WDR33: variants seen among roughly 807,000 people sequenced by gnomAD.
The protein encoded by WDR33 is WD repeat domain 33, also known as pre-mRNA 3' end processing protein WDR33.
A neutral mutation model predicts 164.9 loss-of-function variants in WDR33; 47 were observed. That is an observed-to-expected ratio of 0.29 (90% CI 0.23 to 0.36). The LOEUF is 0.36. Ranked by LOEUF, WDR33 falls within the 10% of genes least tolerant of loss-of-function variation. The probability of loss-of-function intolerance (pLI) is 1.00; values close to 1 mark genes in which losing one functional copy is unlikely to be tolerated. For missense variants in WDR33, 1,137 were observed against 1,754.1 expected (o/e 0.65, Z 6.28); for synonymous variants, 505 against 589.0 (o/e 0.86, Z 2.06).
chr2:127,783,681 T>C (rs1049657129), intron 1 of WDR33, among the ~76,000 whole-genome samples: 4 of 134,530 alleles, frequency 3.0e-5, no homozygotes, highest in Non-Finnish European at 6.2e-5. Flanking sequence ...CTCGGCTCAC[T>C]GCGACCTCCG....
chr2:127,748,233 T>C (rs1319186959), intron 7 of WDR33, among the ~76,000 whole-genome samples: 1 of 152,196 alleles, frequency 6.6e-6, no homozygotes, highest in African/African-American at 2.4e-5. Flanking sequence ...CTATAATACA[T>C]TATAACACCC....
intron 7 of WDR33, chr2:127,736,342 T>C: frequency 1.0e-6 from 1 of 985,428 alleles, no homozygotes; most frequent in Non-Finnish European, 1.2e-6. Flanking sequence ...ATTTGTAATG[T>C]GTATTTCTTT....
rs181447421 is a variant in WDR33, at chr2:127,721,773, A to G, written c.1671+63T>C. The G allele has an allele frequency of 3.6e-3, 5,445 of 1,510,570 alleles. 25 individuals carry two copies. The highest frequency in any genetic ancestry group is 0.012 in the South Asian group (848 of 72,754). 93.6% of individuals were successfully genotyped at this position (1,510,570 alleles called of 1,614,324 possible). Reference sequence around the variant, plus strand: ...TTCCCTTTTCCTTAAGAGCCTATCAATAAAAATGTCACCACTACCCTCTTA... The same window carrying G: ...TTCCCTTTTCCTTAAGAGCCTATCAGTAAAAATGTCACCACTACCCTCTTA... On this transcript the variant is annotated intron_variant, in intron 15 of 21. Transcript: ENST00000322313. This position sits in a 1 kb window ranked among gnomAD's most constrained non-coding sequence, Gnocchi z 4.9.
intron 7 of WDR33, chr2:127,737,370 T>C (rs1223287904): frequency 1.0e-6 from 1 of 985,390 alleles, no homozygotes; most frequent in Non-Finnish European, 1.2e-6. Context: ...CATATGTGTG[T>C]GTGTATGTTC....
chr2:127,737,539 G>T (rs1057351996), intron 7 of WDR33: 2 of 986,450 alleles, frequency 2.0e-6, no homozygotes, highest in Non-Finnish European at 2.4e-6. Flanking sequence ...TCAAAAGATT[G>T]ATGGGAGTCT....
chr2:127,788,752 AC>A (rs1230546043), intron 1 of WDR33, among the ~76,000 whole-genome samples: 45 of 115,300 alleles, frequency 3.9e-4, no homozygotes, highest in African/African-American at 1.3e-3. Context: ...GGGGGGGCTG[AC>A]CCCCCACCTC....
At chr2:127,734,122 A>C (rs1210702676) in intron 7 of WDR33, among the ~76,000 whole-genome samples, 1 of 152,226 alleles carries the variant, frequency 6.6e-6, no homozygotes, top group Non-Finnish European at 1.5e-5. Flanking sequence ...GAACTATATA[A>C]GAAAATAATT....
At position 127,706,479 on chromosome 2, in the gene WDR33, G is replaced by A. The variant is rs756639187; in HGVS notation, c.3855C>T (p.His1285=). 74 of 1,613,358 alleles carry A rather than the reference G, an allele frequency of 4.6e-5. No homozygotes were observed. Among genetic ancestry groups the A allele is most frequent in the Non-Finnish European group, 5.9e-5 (70 of 1,179,754 alleles). ...GRSSSLDGEH[H]DGYHRDEPFG... ...AAGGTTCATCTCTGTGGTATCCATC[G>A]TGGTGCTCTCCGTCTAAGGAGCTGG... Residue 1285 remains histidine (H), a synonymous_variant, in exon 22 of 22, where the codon CAC becomes CAT. Transcript: ENST00000322313. This position sits in a 1 kb window ranked among gnomAD's most constrained non-coding sequence, Gnocchi z 5.1.
At chr2:127,748,884 TAAAAAAA>T (rs59425653) in intron 7 of WDR33, among the ~76,000 whole-genome samples, 1 of 105,024 alleles carries the variant, frequency 9.5e-6, no homozygotes, top group African/African-American at 3.5e-5. Flanking sequence ...AGCTGAAACT[TAAAAAAA>T]AAAAAAAAAA....
intron 7 of WDR33, among the ~76,000 whole-genome samples, chr2:127,751,074 T>C (rs545328896): frequency 2.2e-4 from 34 of 151,934 alleles, no homozygotes; most frequent in East Asian, 1.7e-3. Flanking sequence ...AAAAATCAGA[T>C]TGATGGCAAG....
chr2:127,790,059 T>C (rs1305192077), intron 1 of WDR33, among the ~76,000 whole-genome samples: 2 of 151,980 alleles, frequency 1.3e-5, no homozygotes, highest in African/African-American at 2.4e-5. Flanking sequence ...CTGGTCTCCA[T>C]CTCCTAGGCT....
chr2:127,790,034 G>C (rs1040483001), intron 1 of WDR33, among the ~76,000 whole-genome samples: 1 of 151,900 alleles, frequency 6.6e-6, no homozygotes, highest in Non-Finnish European at 1.5e-5. Context: ...ACAGGGTTTC[G>C]ACATGTTGCC....
Position 127,722,042 on chromosome 2 carries a change from T to TAGAATGAGAAAACCACTCTACAATGTC in WDR33, c.1519-81_1519-55dup. The TAGAATGAGAAAACCACTCTACAATGTC allele has an allele frequency of 6.3e-7, 1 of 1,581,792 alleles. No individual in the cohort carries two copies. The highest frequency in any genetic ancestry group is 8.6e-7 in the Non-Finnish European group (1 of 1,167,802). On this transcript the variant is annotated intron_variant, in intron 14 of 21. Transcript: ENST00000322313. This position sits in a 1 kb window ranked among gnomAD's most constrained non-coding sequence, Gnocchi z 5.1. ...ACGCTAAGTATGAAAATTACAATGA[T>TAGAATGAGAAAACCACTCTACAATGTC]AGAATGAGAAAACCACTCTACAATG...
chr2:127,735,800 T>C lies in WDR33; in HGVS notation c.725-9023A>G, dbSNP rs1005543611. ...TCTGGTCAAGGAATATGCAATTTAT[T>C]AGTATTTTACCTTCCTTTAATGCAA... is the stretch of plus-strand genomic sequence containing the variant. On this transcript the variant is annotated intron_variant, in intron 7 of 21. Transcript: ENST00000322313. This position sits in a 1 kb window ranked among gnomAD's most constrained non-coding sequence, Gnocchi z 4.3. The C allele has an allele frequency of 1.0e-6, 1 of 985,320 alleles. No homozygotes were observed. The highest frequency in any genetic ancestry group is 1.2e-6 in the Non-Finnish European group (1 of 829,918). 61.0% of individuals were successfully genotyped at this position (985,320 alleles called of 1,614,324 possible).
At chr2:127,728,658 A>G (rs1222132125) in intron 7 of WDR33, among the ~76,000 whole-genome samples, 1 of 152,200 alleles carries the variant, frequency 6.6e-6, no homozygotes. Flanking sequence ...AGAAATTTTA[A>G]TTAACTATTT....
intron 7 of WDR33, among the ~76,000 whole-genome samples, chr2:127,744,833 T>C (rs1687120315): frequency 6.6e-6 from 1 of 152,190 alleles, no homozygotes; most frequent in Admixed American, 6.5e-5. Flanking sequence ...CACTTCATAT[T>C]TTTTCAAGAT....
At position 127,717,373 on chromosome 2, in the gene WDR33, G is replaced by C; in HGVS notation, c.2761-110C>G. 1 of 863,276 alleles carries C rather than the reference G, an allele frequency of 1.2e-6. No individual in the cohort carries two copies. The highest frequency in any genetic ancestry group is 1.7e-6 in the Non-Finnish European group (1 of 596,280). The allele number at this position is 863,276 out of a possible 1,614,324, so 53.5% of individuals were successfully genotyped here. On this transcript the variant is annotated intron_variant, in intron 16 of 21. Transcript: ENST00000322313. The surrounding 1 kb of genome is among the most constrained non-coding windows in gnomAD (Gnocchi z 5.6). ...AAAATACCCAGTAAATATTTACCTA[G>C]TAAGATTACAGTAACATTGTCCTTA...
Position 127,724,721 on chromosome 2 carries a change from G to C in WDR33, c.1085+166C>G, listed in dbSNP as rs757777488. On this transcript the variant is annotated intron_variant, in intron 10 of 21. Transcript: ENST00000322313. The surrounding 1 kb of genome is among the most constrained non-coding windows in gnomAD (Gnocchi z 4.8). ...TTAATGACTTCCATATCCACAAACAGAGGTACATTTTCTATTCCAAGCTGG... is the reference window on the plus strand; with the variant it reads ...TTAATGACTTCCATATCCACAAACACAGGTACATTTTCTATTCCAAGCTGG... 6.6e-6 allele frequency among the ~76,000 whole-genome samples: 1 copy of C among 152,226 alleles called. No homozygotes were observed. The highest frequency in any genetic ancestry group is 2.1e-4 in the South Asian group (1 of 4,814).
At chr2:127,733,830 A>C (rs908461287) in intron 7 of WDR33, among the ~76,000 whole-genome samples, 12 of 152,212 alleles carry the variant, frequency 7.9e-5, no homozygotes, top group Admixed American at 1.3e-4. Flanking sequence ...GCAACAACAA[A>C]AAATTATCTT....
Sources: gnomAD v4.1 joint callset for allele counts (sites outside exome capture counted in the v4.1 genomes callset) on GRCh38, gnomAD v4.1.1 for gene constraint, Gnocchi (gnomAD v3.1) non-coding constraint, MANE v1.5 for transcripts, NCBI Gene and HGNC (gene_info 2026-07-23, HGNC 2026-07-21) for gene names.